DMXL1: variants seen among roughly 807,000 people sequenced by gnomAD.
The protein encoded by DMXL1 is dmX-like protein 1.
In DMXL1, 99 loss-of-function variants were observed where a neutral mutation model predicts 319.2. The ratio of observed to expected loss-of-function variants is 0.31; its 90% CI spans 0.26 to 0.37. DMXL1 has a LOEUF of 0.37. Ranked by LOEUF, DMXL1 falls within the 10% of genes least tolerant of loss-of-function variation. DMXL1 has a pLI of 1.00. For synonymous variants in DMXL1, 1,385 were observed against 1,235.2 expected, an observed-to-expected ratio of 1.12 and a Z score of -2.54; for missense variants, 3,745 against 3,595.6, an observed-to-expected ratio of 1.04 and a Z score of -1.06.
chr5:119,199,925 T>C (rs1047672532), intron 32 of DMXL1, among the ~76,000 whole-genome samples: 2 of 152,150 alleles, frequency 1.3e-5, no homozygotes. Flanking sequence ...ATGGTGGTGT[T>C]TGTTTTTCTT....
At chr5:119,160,410 T>G (rs909747036) in intron 19 of DMXL1, among the ~76,000 whole-genome samples, 1 of 152,210 alleles carries the variant, frequency 6.6e-6, no homozygotes, top group Non-Finnish European at 1.5e-5. Context: ...CTTCATATGA[T>G]TTACATACAC....
chr5:119,075,379 A>C (rs749349727), intron 1 of DMXL1, among the ~76,000 whole-genome samples: 12 of 151,594 alleles, frequency 7.9e-5, no homozygotes, highest in Non-Finnish European at 1.6e-4. Flanking sequence ...AGCTGGGATT[A>C]CAGGCGCACA....
chr5:119,071,347 C>T lies in DMXL1; in HGVS notation c.-223C>T. ...GTGACAGGTGCGCGAAGGAGCGCGGCGCTCCGCCCTCTCGCCGACCCGCCC... is the reference window on the plus strand; with the variant it reads ...GTGACAGGTGCGCGAAGGAGCGCGGTGCTCCGCCCTCTCGCCGACCCGCCC... On this transcript the variant is annotated 5_prime_UTR_variant, in exon 1 of 44. Transcript: ENST00000539542. The T allele has an allele frequency of 1.9e-6, 1 of 536,000 alleles. No individual in the cohort carries two copies. The highest frequency in any genetic ancestry group is 3.3e-6 in the Non-Finnish European group (1 of 305,266). 33.2% of individuals were successfully genotyped at this position (536,000 alleles called of 1,614,324 possible).
Position 119,111,685 on chromosome 5 carries a change from TGAG to T in DMXL1, c.497+1406_497+1408del, listed in dbSNP as rs1283240968. Among the ~76,000 whole-genome samples, 10 of 152,216 alleles carry T rather than the reference TGAG, an allele frequency of 6.6e-5. No homozygotes were observed. The East Asian group carries it at 1.9e-3, about 29-fold the overall frequency. Reference sequence around the variant, plus strand: ...GTCCATAAGGGAAGAAACACAAACATGAGGAGAAATATGTGCAGTTTTGGGCAA... The same window carrying T: ...GTCCATAAGGGAAGAAACACAAACATGAGAAATATGTGCAGTTTTGGGCAA... On this transcript the variant is annotated intron_variant, in intron 5 of 43. Transcript: ENST00000539542.
chr5:119,223,760 G>C (rs546235189), intron 37 of DMXL1, among the ~76,000 whole-genome samples: 1 of 151,244 alleles, frequency 6.6e-6, no homozygotes, highest in Non-Finnish European at 1.5e-5. Context: ...TTTTTTTTAC[G>C]TATGGTTCTC....
rs747596948 is a variant in DMXL1, at chr5:119,248,836, C to T, written c.*1617C>T. 1.6e-4 allele frequency: 24 copies of T among 152,396 alleles called. No homozygotes were observed. The highest frequency in any genetic ancestry group is 1.1e-3 in the Admixed American group (17 of 15,270). The allele number at this position is 152,396 out of a possible 1,614,324, so 9.4% of individuals were successfully genotyped here. A position where few individuals can be genotyped will look rare whatever the true frequency, so the allele number is the denominator to read the frequency against. On this transcript the variant is annotated 3_prime_UTR_variant, in exon 44 of 44. Coordinates refer to ENST00000539542, the MANE Select transcript of DMXL1 (RefSeq NM_001290321.3). ...CTATAAATCGTGCAATAACCATATG[C>T]GACTATTTTGCCATGGAGAAATCTG...
In DMXL1 at chr5:119,078,281, ATATTTTCACTTT is replaced by A. The variant is rs1751440486; in HGVS notation, c.87+6635_87+6646del. Among the ~76,000 whole-genome samples the A allele has an allele frequency of 2.0e-5, 3 of 152,056 alleles. No homozygotes were observed. In the South Asian group the frequency reaches 6.2e-4, roughly 31 times the overall value. Reference sequence around the variant, plus strand: ...AAGCCTGTGCTGCTGCACCTGGCTCATATTTTCACTTTTATTTTCACAAACTTTCTAGTATTA... The same window carrying A: ...AAGCCTGTGCTGCTGCACCTGGCTCATATTTTCACAAACTTTCTAGTATTA... On this transcript the variant is annotated intron_variant, in intron 1 of 43. Coordinates refer to ENST00000539542, the MANE Select transcript of DMXL1 (RefSeq NM_001290321.3).
At chr5:119,165,429 GA>G in intron 21 of DMXL1, 149 bp downstream of exon 21, 1 of 531,994 alleles carries the variant, frequency 1.9e-6, no homozygotes, top group Admixed American at 3.6e-5. Context: ...ATTTCGTAAG[GA>G]AAAAGCCCCA....
chr5:119,231,101 A>T (rs1468253270), intron 38 of DMXL1, among the ~76,000 whole-genome samples: 3 of 152,106 alleles, frequency 2.0e-5, no homozygotes. Flanking sequence ...AATGCCTCCC[A>T]CTGTTTGTGA....
chr5:119,109,975 C>G (rs1759208447), intron 4 of DMXL1, among the ~76,000 whole-genome samples, 176 bp from the exon 5 acceptor site: 1 of 152,164 alleles, frequency 6.6e-6, no homozygotes, highest in African/African-American at 2.4e-5. Flanking sequence ...AGATTTCTTC[C>G]TTTCTATCTC....
At chr5:119,075,197 G>C (rs951844170) in intron 1 of DMXL1, among the ~76,000 whole-genome samples, 2 of 150,776 alleles carry the variant, frequency 1.3e-5, no homozygotes, top group African/African-American at 2.4e-5. Flanking sequence ...TAATCATTTA[G>C]ATTTGAGTCC....
chr5:119,195,219 A>G (rs1242828664), intron 30 of DMXL1, among the ~76,000 whole-genome samples: 2 of 152,362 alleles, frequency 1.3e-5, no homozygotes, highest in South Asian at 2.1e-4. Context: ...TAGAATTACC[A>G]TATGATCCAG....
chr5:119,210,668 C>G (rs1782600682), intron 34 of DMXL1, among the ~76,000 whole-genome samples: 3 of 151,564 alleles, frequency 2.0e-5, no homozygotes, highest in Middle Eastern at 3.4e-3. Flanking sequence ...CTGTCTTTAT[C>G]ACTATAACCT....
chr5:119,106,864 A>G (rs1339648683), intron 4 of DMXL1, among the ~76,000 whole-genome samples: 2 of 152,246 alleles, frequency 1.3e-5, no homozygotes, highest in Non-Finnish European at 2.9e-5. Context: ...TTTAGGCAGT[A>G]GAATTGACAT....
Position 119,071,381 on chromosome 5 carries a change from CCTCGCCCTCCGGGG to C in DMXL1, c.-184_-171del, listed in dbSNP as rs1184419706. 10 of 575,622 alleles carry C rather than the reference CCTCGCCCTCCGGGG, an allele frequency of 1.7e-5. No individual in the cohort carries two copies. The highest frequency in any genetic ancestry group is 4.2e-5 in the South Asian group (2 of 47,910). The allele number at this position is 575,622 out of a possible 1,614,324, so 35.7% of individuals were successfully genotyped here. The stretch of plus-strand genomic sequence containing the variant: ...CTCTCGCCGACCCGCCCCCTCCGGG[CCTCGCCCTCCGGGG>C]CTCGGGATGAGTCGCGGGCCCCAGC... On this transcript the variant is annotated 5_prime_UTR_variant, in exon 1 of 44. Coordinates refer to ENST00000539542, the MANE Select transcript of DMXL1 (RefSeq NM_001290321.3).
intron 25 of DMXL1, among the ~76,000 whole-genome samples, chr5:119,173,603 C>A (rs918445482): frequency 6.6e-6 from 1 of 150,706 alleles, no homozygotes; most frequent in African/African-American, 2.4e-5. Flanking sequence ...TCATATGTAT[C>A]TCATCCTCCA....
At chr5:119,152,817 C>A (rs531901149) in intron 19 of DMXL1, among the ~76,000 whole-genome samples, 6 of 152,254 alleles carry the variant, frequency 3.9e-5, no homozygotes, top group African/African-American at 9.6e-5. Flanking sequence ...GTTATTGGGA[C>A]TTTGCAGTTT....
intron 5 of DMXL1, among the ~76,000 whole-genome samples, chr5:119,112,365 A>G (rs1759825985): frequency 1.3e-5 from 2 of 152,328 alleles, no homozygotes; most frequent in East Asian, 1.9e-4. Context: ...TCATTCAACA[A>G]ATATTTGTTG....
chr5:119,161,302 C>T (rs1296787230), intron 19 of DMXL1, among the ~76,000 whole-genome samples: 1 of 152,214 alleles, frequency 6.6e-6, no homozygotes, highest in Non-Finnish European at 1.5e-5. Context: ...GTCAGTCAGA[C>T]CTGCTGGCTG....
Sources: allele counts gnomAD v4.1 joint callset (sites outside exome capture counted in the v4.1 genomes callset), GRCh38; gene constraint gnomAD v4.1.1; transcripts MANE v1.5; gene names NCBI Gene and HGNC (gene_info 2026-07-23, HGNC 2026-07-21).